RUVBL1: variants seen among roughly 807,000 people sequenced by gnomAD.
RUVBL1 encodes the protein RuvB like AAA ATPase 1.
Under a neutral mutation model 52.4 loss-of-function variants are expected in RUVBL1, and 4 were observed. That is an observed-to-expected ratio of 0.08 (90% confidence interval 0.04 to 0.17). The LOEUF is 0.17. Among genes scored for constraint, RUVBL1 ranks in the 10% least tolerant of loss-of-function variants. The pLI is 1.00. For missense variants in RUVBL1, 298 were observed against 572.8 expected (o/e 0.52, Z 4.90); for synonymous variants, 217 against 214.4 (o/e 1.01, Z -0.10).
upstream of RUVBL1, among the ~76,000 whole-genome samples, chr3:128,128,684 G>C (rs1396711276): frequency 6.6e-6 from 1 of 152,240 alleles, no homozygotes; most frequent in Non-Finnish European, 1.5e-5. Context: ...AGGAGGCTGA[G>C]AAATGTAGTC....
chr3:128,118,265 T>C (rs1207904350), intron 2 of RUVBL1, among the ~76,000 whole-genome samples: 1 of 151,990 alleles, frequency 6.6e-6, no homozygotes, highest in East Asian at 1.9e-4. Context: ...CAATTTGCTT[T>C]TATATAGGAA....
At chr3:128,090,571 GA>G (rs1942809748) in intron 8 of RUVBL1, among the ~76,000 whole-genome samples, 1 of 152,078 alleles carries the variant, frequency 6.6e-6, no homozygotes, top group South Asian at 2.1e-4. Context: ...AAACTAATAG[GA>G]AATACAAGTA....
rs368918514 is a variant in RUVBL1 at position 128,091,328 on chromosome 3, A to G, written c.1017-3520T>C. Among the ~76,000 whole-genome samples, 8 of 152,344 alleles carry G rather than the reference A, an allele frequency of 5.3e-5. No homozygotes were observed. In the South Asian group the frequency reaches 6.2e-4, roughly 12 times the overall value. On this transcript the variant is annotated intron_variant, in intron 8 of 10. Transcript: ENST00000322623. ...GGGGGGTGGGGAGGATCACAGTTTA[A>G]CAAGGCAGCCATAATGGTAATGTTA...
rs1942476138 is a variant in RUVBL1, at chr3:128,081,535, AC to A, written c.1212-127del. The stretch of plus-strand genomic sequence containing the variant: ...CAGTGCTGGGCTTGTGCCAGCTGCT[AC>A]GAACACAGAAAAGGGGAGACAAAGT... On this transcript the variant is annotated intron_variant, in intron 10 of 10. Transcript: ENST00000322623. This position sits in a 1 kb window ranked among gnomAD's most constrained non-coding sequence, Gnocchi z 4.8. 1.0e-6 allele frequency: 1 copy of A among 957,992 alleles called. No homozygotes were observed. Among genetic ancestry groups the A allele is most frequent in the African/African-American group, 1.7e-5 (1 of 60,474 alleles). The allele number at this position is 957,992 out of a possible 1,614,324, so 59.3% of individuals were successfully genotyped here.
intron 3 of RUVBL1, among the ~76,000 whole-genome samples, chr3:128,110,707 G>T (rs1313309909): frequency 6.6e-6 from 1 of 152,056 alleles, no homozygotes; most frequent in Admixed American, 6.5e-5. Flanking sequence ...TGCTTATGGG[G>T]ACCTGGTCAG....
intron 3 of RUVBL1, among the ~76,000 whole-genome samples, chr3:128,111,536 C>T (rs570964515): frequency 6.6e-6 from 1 of 152,266 alleles, no homozygotes; most frequent in South Asian, 2.1e-4. Context: ...AACCACTTTG[C>T]ACTTCCACTG....
chr3:128,066,643 C>G (rs945787796), intron 9 of RUVBL1: 2 of 379,468 alleles, frequency 5.3e-6, no homozygotes, highest in South Asian at 4.1e-5. Flanking sequence ...AGGCTGGTAT[C>G]GAACTTCTGG....
intron 1 of RUVBL1, among the ~76,000 whole-genome samples, chr3:128,149,297 G>C (rs1017642391): frequency 6.6e-6 from 1 of 151,166 alleles, no homozygotes; most frequent in Admixed American, 6.6e-5. Context: ...CAATTCTCGT[G>C]CCTCAGCCTC....
downstream of RUVBL1, among the ~76,000 whole-genome samples, chr3:128,077,713 C>A (rs1056264781): frequency 1.3e-5 from 2 of 152,236 alleles, no homozygotes; most frequent in Admixed American, 1.3e-4. Flanking sequence ...CCAGTGCTGG[C>A]CCCTCTGGGC....
intron 1 of RUVBL1, among the ~76,000 whole-genome samples, chr3:128,129,825 C>G (rs1943847746): frequency 6.6e-6 from 1 of 152,068 alleles, no homozygotes; most frequent in African/African-American, 2.4e-5. Context: ...TTCATAAAGA[C>G]AAAAAGTACA....
intron 9 of RUVBL1, chr3:128,084,584 G>C (rs1942580910): frequency 1.3e-5 from 2 of 152,160 alleles, no homozygotes; most frequent in Admixed American, 6.5e-5. Flanking sequence ...GAATGTCAGG[G>C]ACACTCTGCT....
intron 5 of RUVBL1, 108 bp downstream of exon 5, chr3:128,101,445 ACCAGCC>A: frequency 1.1e-6 from 1 of 923,062 alleles, no homozygotes; most frequent in Non-Finnish European, 1.7e-6. Context: ...CATAACAGAC[ACCAGCC>A]CCTCCCCACA....
At chr3:128,152,858 T>G (rs1944249059) in intron 1 of RUVBL1, among the ~76,000 whole-genome samples, 2 of 105,222 alleles carry the variant, frequency 1.9e-5, no homozygotes, top group African/African-American at 3.6e-5. Context: ...CTGGCGGGGG[T>G]GGCCAGCTTT....
At chr3:128,150,879 CTA>C (rs1368974028) in intron 1 of RUVBL1, among the ~76,000 whole-genome samples, 3,522 of 74,204 alleles carry the variant, frequency 0.047, 148 homozygotes, top group African/African-American at 0.074. Context: ...TATATATATT[CTA>C]TATATATATT....
chr3:128,149,444 C>A (rs1345430767), intron 1 of RUVBL1, among the ~76,000 whole-genome samples: 1 of 152,240 alleles, frequency 6.6e-6, no homozygotes, highest in African/African-American at 2.4e-5. Flanking sequence ...CTTCGCCTCT[C>A]AAAGTGCTGG....
chr3:128,106,464 C>T (rs936432445), intron 3 of RUVBL1, among the ~76,000 whole-genome samples: 2 of 151,892 alleles, frequency 1.3e-5, no homozygotes, highest in Non-Finnish European at 2.9e-5. Flanking sequence ...CGTATCCCCC[C>T]CCCCTTCACA....
chr3:128,145,367 C>A (rs567432420), intron 1 of RUVBL1, among the ~76,000 whole-genome samples: 13 of 152,348 alleles, frequency 8.5e-5, no homozygotes, highest in African/African-American at 3.1e-4. Context: ...CTGTGCTTTT[C>A]ACTACACCAT....
chr3:128,074,779 TTGCAG>T (rs1942257940), intron 9 of RUVBL1, among the ~76,000 whole-genome samples: 1 of 143,082 alleles, frequency 7.0e-6, no homozygotes, highest in Admixed American at 7.3e-5. Flanking sequence ...GAGGCGGTGG[TTGCAG>T]TAAGCTGAGA....
chr3:128,086,202 G>A (rs1303015363), intron 9 of RUVBL1, among the ~76,000 whole-genome samples: 1 of 152,124 alleles, frequency 6.6e-6, no homozygotes, highest in Non-Finnish European at 1.5e-5. Context: ...TCACTATGTG[G>A]CCCAGGCTGG....
Sources: gnomAD v4.1 joint callset for allele counts (sites outside exome capture counted in the v4.1 genomes callset) on GRCh38, gnomAD v4.1.1 for gene constraint, Gnocchi (gnomAD v3.1) non-coding constraint, MANE v1.5 for transcripts, NCBI Gene and HGNC (gene_info 2026-07-23, HGNC 2026-07-21) for gene names.